Variants in FAM185A observed in about 807,000 individuals in gnomAD.
FAM185A encodes family with sequence similarity 185 member A, also known as protein FAM185A.
FAM185A carries 21 observed loss-of-function variants against 45.7 expected under a neutral mutation model. The ratio of observed to expected loss-of-function variants is 0.46; its 90% CI spans 0.33 to 0.66. The LOEUF is 0.66. Ranked by LOEUF, FAM185A falls within the 30% of genes least tolerant of loss-of-function variation. The pLI, the probability that FAM185A is intolerant of heterozygous loss-of-function variation, is 0.03. For synonymous variants in FAM185A, 117 were observed against 194.0 expected (o/e 0.60, Z 3.30); for missense variants, 305 against 485.4 (o/e 0.63, Z 3.49).
the FAM185A span, among the ~76,000 whole-genome samples, chr7:102,835,648 C>T: frequency 3.1e-5 from 3 of 97,890 alleles, no homozygotes; most frequent in East Asian, 3.5e-4. Context: ...CTCGCTCTGT[C>T]GCCCAGGCTG....
intron 7 of FAM185A, among the ~76,000 whole-genome samples, chr7:102,797,700 T>C (rs1008088885): frequency 6.6e-6 from 1 of 152,218 alleles, no homozygotes; most frequent in Non-Finnish European, 1.5e-5. Flanking sequence ...CTCCCTAATA[T>C]ACTTAGCATG....
chr7:102,796,406 C>A (rs2129443396), intron 7 of FAM185A, among the ~76,000 whole-genome samples: 1 of 152,350 alleles, frequency 6.6e-6, no homozygotes, highest in East Asian at 1.9e-4. Context: ...AATTTCTAAT[C>A]TTTTGGCTAA....
the FAM185A span, among the ~76,000 whole-genome samples, chr7:102,838,634 T>C: frequency 0.13 from 19,400 of 152,052 alleles, 1,450 homozygotes; most frequent in East Asian, 0.3. Flanking sequence ...TCTGTAACTT[T>C]AGCCCCAACC....
chr7:102,834,086 A>AAGGAAGGAAGGAAGGAAGGG, the FAM185A span, among the ~76,000 whole-genome samples: 1 of 93,678 alleles, frequency 1.1e-5, no homozygotes, highest in African/African-American at 4.6e-5. Context: ...GGAAGGAAAG[A>AAGGAAGGAAGGAAGGAAGGG]AAAGAAAGAA....
At position 102,808,646 on chromosome 7, in the gene FAM185A, T is replaced by A. The variant is rs1797269327; in HGVS notation, c.*244T>A. 2.5e-6 allele frequency: 1 copy of A among 393,668 alleles called. No homozygotes were observed. The highest frequency in any genetic ancestry group is 2.0e-5 in the African/African-American group (1 of 49,290). The allele number at this position is 393,668 out of a possible 1,614,324, so 24.4% of individuals were successfully genotyped here. ...ATACTCATTTACAGCTATGTCTAGG[T>A]TCTCCGCTCAGGGAATCACAAGGCT... On this transcript the variant is annotated 3_prime_UTR_variant, in exon 8 of 8. Transcript: ENST00000413034.
the FAM185A span, among the ~76,000 whole-genome samples, chr7:102,829,907 G>T: frequency 3.3e-5 from 5 of 152,126 alleles, no homozygotes; most frequent in Non-Finnish European, 7.4e-5. Flanking sequence ...GTGAGTTGAG[G>T]AGTATTCAGA....
chr7:102,820,282 C>T, the FAM185A span, among the ~76,000 whole-genome samples: 1 of 152,200 alleles, frequency 6.6e-6, no homozygotes, highest in East Asian at 1.9e-4. Context: ...AGGGCCAAGT[C>T]TCTGCCTGCT....
intron 6 of FAM185A, among the ~76,000 whole-genome samples, chr7:102,787,036 T>G (rs1300291849): frequency 1.3e-5 from 2 of 152,168 alleles, no homozygotes; most frequent in Admixed American, 6.5e-5. Context: ...AAGCTACAGG[T>G]GTAGTAAATT....
chr7:102,820,428 C>A, the FAM185A span, among the ~76,000 whole-genome samples: 2 of 152,224 alleles, frequency 1.3e-5, no homozygotes, highest in Non-Finnish European at 2.9e-5. Context: ...GGACAAAGCT[C>A]AGCTAGTAGT....
the FAM185A span, among the ~76,000 whole-genome samples, chr7:102,828,535 T>G: frequency 1.3e-5 from 2 of 152,188 alleles, no homozygotes; most frequent in African/African-American, 4.8e-5. Context: ...TCCTCTCCCT[T>G]TACATTATAA....
intron 6 of FAM185A, among the ~76,000 whole-genome samples, chr7:102,781,326 A>G: frequency 6.6e-6 from 1 of 152,226 alleles, no homozygotes; most frequent in Middle Eastern, 3.2e-3. Flanking sequence ...AGGTTCTCCC[A>G]GCATGCAGCT....
chr7:102,778,189 GT>G (rs199907432), intron 6 of FAM185A, among the ~76,000 whole-genome samples: 242 of 152,220 alleles, frequency 1.6e-3, no homozygotes, highest in African/African-American at 5.4e-3. Context: ...TGATGTAATA[GT>G]TTTTTTTAAT....
chr7:102,819,272 T>C, the FAM185A span, among the ~76,000 whole-genome samples: 2 of 152,300 alleles, frequency 1.3e-5, no homozygotes, highest in East Asian at 3.9e-4. Flanking sequence ...CGTTTTCTGA[T>C]CATAGTTGTT....
At chr7:102,821,998 A>C in the FAM185A span, 1 of 1,595,170 alleles carries the variant, frequency 6.3e-7, no homozygotes. Flanking sequence ...TTTTCTCAGA[A>C]AGTAGTTCTC....
At chr7:102,830,898 A>G in the FAM185A span, among the ~76,000 whole-genome samples, 27,380 of 152,214 alleles carry the variant, frequency 0.18, 2,737 homozygotes, top group East Asian at 0.43. Context: ...GTGTTGATCA[A>G]TATCTTCCAC....
the FAM185A span, among the ~76,000 whole-genome samples, chr7:102,834,873 C>T: frequency 7.8e-6 from 1 of 128,040 alleles, no homozygotes; most frequent in South Asian, 3.0e-4. Flanking sequence ...TTTAACCATT[C>T]CACAATGTGT....
At chr7:102,807,797 G>A (rs1166498074) in intron 7 of FAM185A, among the ~76,000 whole-genome samples, 2 of 151,690 alleles carry the variant, frequency 1.3e-5, no homozygotes, top group African/African-American at 4.8e-5. Context: ...GGTGGCTCAT[G>A]CCTGTAATCC....
the FAM185A span, chr7:102,814,563 A>C: frequency 6.6e-6 from 1 of 152,246 alleles, no homozygotes; most frequent in Non-Finnish European, 1.5e-5. Flanking sequence ...CAGGGAGGTA[A>C]CCAAAGCATT....
the FAM185A span, among the ~76,000 whole-genome samples, chr7:102,841,933 ACCAGATAT>A: frequency 6.6e-6 from 1 of 152,144 alleles, no homozygotes; most frequent in South Asian, 2.1e-4. Flanking sequence ...TCCACAAGCT[ACCAGATAT>A]CCCCACTACC....
Sources: gnomAD v4.1 joint callset for allele counts (sites outside exome capture counted in the v4.1 genomes callset) on GRCh38, gnomAD v4.1.1 for gene constraint, MANE v1.5 for transcripts, NCBI Gene and HGNC (gene_info 2026-07-23, HGNC 2026-07-21) for gene names.